Variants in HECTD4 observed in about 807,000 individuals in gnomAD.
HECTD4 encodes probable E3 ubiquitin-protein ligase HECTD4.
In HECTD4, 114 loss-of-function variants were observed where a neutral mutation model predicts 471.5. The ratio of observed to expected loss-of-function variants is 0.24; its 90% CI spans 0.21 to 0.28. The LOEUF (loss-of-function observed/expected upper bound fraction) is 0.28. Ranked by LOEUF, HECTD4 falls within the 10% of genes least tolerant of loss-of-function variation. The probability of loss-of-function intolerance (pLI) is 1.00; values close to 1 mark genes in which losing one functional copy is unlikely to be tolerated. For missense variants in HECTD4, 3,866 were observed against 5,651.5 expected (o/e 0.68, Z 10.13); for synonymous variants, 2,012 against 2,256.0 (o/e 0.89, Z 3.07).
chr12:112,300,924 G>A lies in HECTD4; in HGVS notation c.1335+5140C>T, dbSNP rs375506969. On this transcript the variant is annotated intron_variant, in intron 7 of 75. Coordinates refer to ENST00000682272, the MANE Select transcript of HECTD4 (RefSeq NM_001388303.1). Reference sequence around the variant, plus strand: ...TTTTGAGATGGAGCCTCGCTGTGTCGCCCAGGCTAGAGTGCAGTGGCACAA... The same window carrying A: ...TTTTGAGATGGAGCCTCGCTGTGTCACCCAGGCTAGAGTGCAGTGGCACAA... 9.3e-5 allele frequency among the ~76,000 whole-genome samples: 14 copies of A among 149,994 alleles called. No homozygotes were observed. In the South Asian group the frequency reaches 1.7e-3, roughly 18 times the overall value.
intron 1 of HECTD4, among the ~76,000 whole-genome samples, chr12:112,363,804 A>T (rs7970939): frequency 3.3e-5 from 5 of 150,966 alleles, no homozygotes; most frequent in Admixed American, 2.6e-4. Flanking sequence ...GTGAAACCCC[A>T]TCTCTACTAA....
At chr12:112,266,693 G>A (rs1174578652) in intron 14 of HECTD4, among the ~76,000 whole-genome samples, 1 of 152,210 alleles carries the variant, frequency 6.6e-6, no homozygotes, top group African/African-American at 2.4e-5. Flanking sequence ...ATGCTGGCCA[G>A]GCTGGTCTCG....
intron 45 of HECTD4, among the ~76,000 whole-genome samples, chr12:112,217,606 G>C (rs2032960263): frequency 6.6e-6 from 1 of 152,206 alleles, no homozygotes. Flanking sequence ...TGTCTGTCTT[G>C]GCCTTCCAAA....
At position 112,288,345 on chromosome 12, in the gene HECTD4, A is replaced by G. The variant is rs10850025; in HGVS notation, c.1336-5043T>C. ...AAAAAAAAAAAAAAAAGATGCAGCAAGGGGCAGTGGCTCATGCCTGTAATC... is the reference window on the plus strand; with the variant it reads ...AAAAAAAAAAAAAAAAGATGCAGCAGGGGGCAGTGGCTCATGCCTGTAATC... On this transcript the variant is annotated intron_variant, in intron 7 of 75. Transcript: ENST00000682272. Among the ~76,000 whole-genome samples the G allele has an allele frequency of 0.055, 8,252 of 151,254 alleles. 1,251 individuals are homozygous for G. The East Asian group carries it at 0.61, about 11-fold the overall frequency.
chr12:112,175,071 G>A (rs557611116), intron 66 of HECTD4, among the ~76,000 whole-genome samples: 10 of 152,302 alleles, frequency 6.6e-5, no homozygotes, highest in South Asian at 2.1e-4. Context: ...GGGAAGGAGC[G>A]AGGGCAATGT....
chr12:112,295,557 C>T (rs1369641170), intron 7 of HECTD4, among the ~76,000 whole-genome samples: 1 of 148,072 alleles, frequency 6.8e-6, no homozygotes, highest in Non-Finnish European at 1.5e-5. Context: ...CCAGGCTCAT[C>T]TTGAACTCCT....
chr12:112,320,093 G>C (rs1411294601), intron 1 of HECTD4, among the ~76,000 whole-genome samples: 2 of 151,834 alleles, frequency 1.3e-5, no homozygotes, highest in African/African-American at 4.8e-5. Context: ...CCAACACTTT[G>C]GGAGGCTGAG....
chr12:112,195,323 A>G (rs2032204140), intron 55 of HECTD4, among the ~76,000 whole-genome samples: 1 of 152,262 alleles, frequency 6.6e-6, no homozygotes, highest in South Asian at 2.1e-4. Context: ...AAATTTGTAC[A>G]TGTATGTTCA....
chr12:112,300,892 C>CT (rs1040489318), intron 7 of HECTD4, among the ~76,000 whole-genome samples: 62 of 148,358 alleles, frequency 4.2e-4, no homozygotes, highest in South Asian at 1.5e-3. Context: ...TTTTCTTTTT[C>CT]TTTTTTTTTT....
In HECTD4 at chr12:112,190,969, C is replaced by A; in HGVS notation, c.9293-4G>T. Reference sequence around the variant, plus strand: ...GCTCCAGGAGGTGGAGACACCCCTGCAAGAAGCACCCAGGAAGAAAGCAGA... The same window carrying A: ...GCTCCAGGAGGTGGAGACACCCCTGAAAGAAGCACCCAGGAAGAAAGCAGA... On this transcript the variant is annotated splice_region_variant and splice_polypyrimidine_tract_variant and intron_variant, in intron 59 of 75. Transcript: ENST00000682272. 1 of 1,549,494 alleles carries A rather than the reference C, an allele frequency of 6.5e-7. No individual in the cohort carries two copies. Among genetic ancestry groups the A allele is most frequent in the Admixed American group, 2.0e-5 (1 of 50,210 alleles).
intron 7 of HECTD4, among the ~76,000 whole-genome samples, chr12:112,287,259 G>A (rs903122014): frequency 6.6e-6 from 1 of 152,036 alleles, no homozygotes. Context: ...GTTTGCTTCC[G>A]TATTGTCCCA....
At chr12:112,336,340 G>A (rs898884144) in intron 1 of HECTD4, among the ~76,000 whole-genome samples, 1 of 151,978 alleles carries the variant, frequency 6.6e-6, no homozygotes, top group African/African-American at 2.4e-5. Flanking sequence ...TGGCTAACAC[G>A]GTGAAACCCT....
rs1158814611 is a variant in HECTD4, at chr12:112,188,318, G to T, written c.9472+2468C>A. Among the ~76,000 whole-genome samples the T allele has an allele frequency of 6.6e-6, 1 of 152,098 alleles. No individual in the cohort carries two copies. The highest frequency in any genetic ancestry group is 1.5e-5 in the Non-Finnish European group (1 of 68,020). On this transcript the variant is annotated intron_variant, in intron 60 of 75. Transcript: ENST00000682272. The surrounding 1 kb of genome is among the most constrained non-coding windows in gnomAD (Gnocchi z 4.2). ...AAATAAAATAAGTAAGTAAATAAAT[G>T]CTGACAGGCACAATTTGTGGACATG...
chr12:112,301,258 G>A (rs111897587), intron 7 of HECTD4, among the ~76,000 whole-genome samples: 8,386 of 148,782 alleles, frequency 0.056, 304 homozygotes, highest in Middle Eastern at 0.17. Flanking sequence ...TCTCAGCTCC[G>A]CCTTGGTGGA....
chr12:112,188,898 C>T lies in HECTD4; in HGVS notation c.9472+1888G>A, dbSNP rs2031977617. 6.6e-6 allele frequency among the ~76,000 whole-genome samples: 1 copy of T among 152,216 alleles called. No homozygotes were observed. Among genetic ancestry groups the T allele is most frequent in the Admixed American group, 6.5e-5 (1 of 15,282 alleles). On this transcript the variant is annotated intron_variant, in intron 60 of 75. Coordinates refer to ENST00000682272, the MANE Select transcript of HECTD4 (RefSeq NM_001388303.1). This position sits in a 1 kb window ranked among gnomAD's most constrained non-coding sequence, Gnocchi z 4.2. ...GAACTATTCATGTCACCTCCGTTGT[C>T]CTTGCTCTACCATTTAGCATTCATG...
chr12:112,382,372 G>T lies in HECTD4; in HGVS notation c.-244C>A. 1 of 363,330 alleles carries T rather than the reference G, an allele frequency of 2.8e-6. No individual in the cohort carries two copies. The highest frequency in any genetic ancestry group is 4.7e-5 in the South Asian group (1 of 21,482). 22.5% of individuals were successfully genotyped at this position (363,330 alleles called of 1,614,324 possible). A position where few individuals can be genotyped will look rare whatever the true frequency, so the allele number is the denominator to read the frequency against. ...CCGCCGCCGCCGCCCTCAGGAGCAG[G>T]ATCCGCCTCTGCCGCTCGGCAACCA... On this transcript the variant is annotated 5_prime_UTR_variant, in exon 1 of 76. Coordinates refer to ENST00000682272, the MANE Select transcript of HECTD4 (RefSeq NM_001388303.1).
At chr12:112,172,274 C>A (rs982026423) in intron 67 of HECTD4, among the ~76,000 whole-genome samples, 1 of 152,224 alleles carries the variant, frequency 6.6e-6, no homozygotes, top group Admixed American at 6.5e-5. Context: ...TAGCTTTTAA[C>A]AAAAACATGG....
chr12:112,372,714 C>T (rs1269567515), intron 1 of HECTD4, among the ~76,000 whole-genome samples: 2 of 151,848 alleles, frequency 1.3e-5, no homozygotes. Context: ...CAGGCATGAG[C>T]CACCACACTC....
chr12:112,252,381 C>A, intron 23 of HECTD4, 43 bp downstream of exon 23: 1 of 1,541,224 alleles, frequency 6.5e-7, no homozygotes, highest in Non-Finnish European at 8.7e-7. Flanking sequence ...AGGCACATAG[C>A]AGATAGTACA....
Sources: allele counts gnomAD v4.1 joint callset (sites outside exome capture counted in the v4.1 genomes callset), GRCh38; gene constraint gnomAD v4.1.1; non-coding constraint Gnocchi (gnomAD v3.1); transcripts MANE v1.5; gene names NCBI Gene and HGNC (gene_info 2026-07-23, HGNC 2026-07-21).